STIM1: variants seen among roughly 807,000 people sequenced by gnomAD.
The protein encoded by STIM1 is stromal interaction molecule 1.
STIM1 carries 25 observed loss-of-function variants against 74.7 expected under a neutral mutation model. That is an observed-to-expected ratio of 0.33 (90% CI 0.24 to 0.47). STIM1 has a LOEUF of 0.47. Among genes scored for constraint, STIM1 ranks in the 20% least tolerant of loss-of-function variants. The probability of loss-of-function intolerance (pLI) is 1.00; values close to 1 mark genes in which losing one functional copy is unlikely to be tolerated. For missense variants in STIM1, 728 were observed against 920.8 expected (o/e 0.79, Z 2.71); for synonymous variants, 328 against 348.8 (o/e 0.94, Z 0.66).
intron 2 of STIM1, among the ~76,000 whole-genome samples, chr11:3,970,996 G>C (rs1324106120): frequency 2.6e-5 from 4 of 152,154 alleles, no homozygotes; most frequent in African/African-American, 7.2e-5. Context: ...AGAGTAAAAT[G>C]GGTCACAACT....
chr11:4,065,556 T>C (rs1565165269), intron 5 of STIM1, among the ~76,000 whole-genome samples: 1 of 152,122 alleles, frequency 6.6e-6, no homozygotes, highest in Non-Finnish European at 1.5e-5. Context: ...TTTGTTCATC[T>C]GTCATCAGCA....
chr11:4,009,588 G>A (rs1485758128), intron 2 of STIM1, among the ~76,000 whole-genome samples: 2 of 151,496 alleles, frequency 1.3e-5, no homozygotes, highest in African/African-American at 2.4e-5. Flanking sequence ...AGCTTGGGCA[G>A]ACAGAGTGAG....
chr11:4,015,195 C>T (rs1455538728), intron 2 of STIM1, among the ~76,000 whole-genome samples: 4 of 152,150 alleles, frequency 2.6e-5, no homozygotes, highest in Admixed American at 1.3e-4. Flanking sequence ...TACTGGTTGT[C>T]CTTTCCATGT....
chr11:3,921,314 T>C (rs1299682184), intron 1 of STIM1, among the ~76,000 whole-genome samples: 3 of 152,254 alleles, frequency 2.0e-5, no homozygotes, highest in Non-Finnish European at 4.4e-5. Context: ...CGCATTATTT[T>C]CTGTTTCAGT....
chr11:3,963,410 A>G (rs1210464239), intron 1 of STIM1, among the ~76,000 whole-genome samples: 7 of 152,184 alleles, frequency 4.6e-5, no homozygotes, highest in Non-Finnish European at 8.8e-5. Context: ...CCTGCAAAGG[A>G]CATGATCTCG....
chr11:3,897,704 C>T (rs2092228226), intron 1 of STIM1, among the ~76,000 whole-genome samples: 1 of 152,002 alleles, frequency 6.6e-6, no homozygotes, highest in South Asian at 2.1e-4. Context: ...GTGATGTTCC[C>T]CTTCCTGTGT....
In STIM1 at chr11:3,920,792, T is replaced by A. The variant is rs112191301; in HGVS notation, c.140-46760T>A. 2.3e-3 allele frequency among the ~76,000 whole-genome samples: 353 copies of A among 151,812 alleles called. 5 individuals carry two copies. The highest frequency in any genetic ancestry group is 6.7e-3 in the African/African-American group (279 of 41,348). On this transcript the variant is annotated intron_variant, in intron 1 of 12. Transcript: ENST00000526596. ...CTACCCTGAAGTATCTTTTTTTTTT[T>A]ATTTTTTTTAATTTTTTTTTTGAGA...
At chr11:3,898,519 A>G (rs1236120335) in intron 1 of STIM1, among the ~76,000 whole-genome samples, 3 of 139,014 alleles carry the variant, frequency 2.2e-5, no homozygotes, top group Admixed American at 7.4e-5. Context: ...CTTTAGTTTA[A>G]TTAGATCCCA....
At chr11:4,053,782 A>AG (rs1384041520) in intron 3 of STIM1, among the ~76,000 whole-genome samples, 1 of 152,142 alleles carries the variant, frequency 6.6e-6, no homozygotes, top group Non-Finnish European at 1.5e-5. Flanking sequence ...AGAAAAAAAA[A>AG]AATTTTAATA....
chr11:3,987,303 G>T (rs2093566528), intron 2 of STIM1, among the ~76,000 whole-genome samples: 1 of 152,158 alleles, frequency 6.6e-6, no homozygotes, highest in African/African-American at 2.4e-5. Flanking sequence ...CATTTTACAG[G>T]CTCTAGGTGA....
intron 2 of STIM1, among the ~76,000 whole-genome samples, chr11:3,985,472 GAAAGAAAGCCCATA>G (rs1308273963): frequency 2.0e-5 from 3 of 152,180 alleles, no homozygotes; most frequent in Admixed American, 2.0e-4. Context: ...AGTAGGGGCT[GAAAGAAAGCCCATA>G]AATGAGGTTG....
chr11:3,913,932 T>C (rs981000941), intron 1 of STIM1, among the ~76,000 whole-genome samples: 1 of 152,234 alleles, frequency 6.6e-6, no homozygotes, highest in African/African-American at 2.4e-5. Flanking sequence ...CGTTGTAACG[T>C]GTCGGTACTT....
At chr11:3,857,250 A>ATGTTT (rs1276142063) in intron 1 of STIM1, among the ~76,000 whole-genome samples, 2 of 151,262 alleles carry the variant, frequency 1.3e-5, no homozygotes, top group African/African-American at 4.9e-5. Context: ...GAACACTTTT[A>ATGTTT]TGTTTTGTTT....
At chr11:4,047,024 TTTG>T (rs915226103) in intron 3 of STIM1, among the ~76,000 whole-genome samples, 2 of 152,278 alleles carry the variant, frequency 1.3e-5, no homozygotes, top group Non-Finnish European at 2.9e-5. Context: ...CTAAGGAGGT[TTTG>T]TTGTTGTTGT....
chr11:4,005,877 C>T (rs911857212), intron 2 of STIM1, among the ~76,000 whole-genome samples: 4 of 152,168 alleles, frequency 2.6e-5, no homozygotes, highest in Non-Finnish European at 4.4e-5. Flanking sequence ...AGATATTTCA[C>T]TCATGAAACG....
chr11:3,968,644 G>A (rs576177655), intron 2 of STIM1, among the ~76,000 whole-genome samples: 12 of 152,310 alleles, frequency 7.9e-5, no homozygotes, highest in African/African-American at 2.6e-4. Flanking sequence ...AGATGGGACT[G>A]TAAATAAAAC....
At chr11:3,960,965 GAGCAGT>G (rs1457076246) in intron 1 of STIM1, among the ~76,000 whole-genome samples, 1 of 151,854 alleles carries the variant, frequency 6.6e-6, no homozygotes, top group African/African-American at 2.4e-5. Context: ...AGAGCCTGGA[GAGCAGT>G]AGCAGCCTGG....
At chr11:3,897,703 C>A (rs1463892366) in intron 1 of STIM1, among the ~76,000 whole-genome samples, 1 of 151,962 alleles carries the variant, frequency 6.6e-6, no homozygotes, top group African/African-American at 2.4e-5. Flanking sequence ...TGTGATGTTC[C>A]CCTTCCTGTG....
chr11:4,072,142 C>T (rs1404852247), intron 6 of STIM1, among the ~76,000 whole-genome samples: 3 of 152,170 alleles, frequency 2.0e-5, no homozygotes, highest in Non-Finnish European at 4.4e-5. Flanking sequence ...TCCCAGCACT[C>T]CCTGCTCCCT....
Sources: gnomAD v4.1 joint callset for allele counts (sites outside exome capture counted in the v4.1 genomes callset) on GRCh38, gnomAD v4.1.1 for gene constraint, MANE v1.5 for transcripts, NCBI Gene and HGNC (gene_info 2026-07-23, HGNC 2026-07-21) for gene names.